The following ANXA8 variants were observed in gnomAD, a reference collection of about 807,000 sequenced individuals.
ANXA8 encodes the protein annexin A8, also known as VAC-beta.
ANXA8 carries 9 observed loss-of-function variants against 26.8 expected under a neutral mutation model. That is an observed-to-expected ratio of 0.34 (90% CI 0.20 to 0.59). The LOEUF (loss-of-function observed/expected upper bound fraction) is 0.59, where lower values mean the gene tolerates loss of function less well. Ranked by LOEUF, ANXA8 falls within the 20% of genes least tolerant of loss-of-function variation. The probability of loss-of-function intolerance (pLI) is 0.84; values close to 1 mark genes in which losing one functional copy is unlikely to be tolerated. For synonymous variants in ANXA8, 39 were observed against 94.8 expected (o/e 0.41, Z 3.42); for missense variants, 83 against 238.5 (o/e 0.35, Z 4.29).
intron 1 of ANXA8, among the ~76,000 whole-genome samples, chr10:47,481,486 C>A (rs1225628948): frequency 2.1e-5 from 3 of 140,734 alleles, no homozygotes; most frequent in African/African-American, 7.8e-5. Flanking sequence ...AAGCTTCACC[C>A]ACAGGAACGC....
At chr10:47,645,310 T>C in the ANXA8 span, among the ~76,000 whole-genome samples, 2 of 146,654 alleles carry the variant, frequency 1.4e-5, no homozygotes, top group African/African-American at 2.7e-5. Flanking sequence ...TGTTTTAACA[T>C]AAAGGTAGTG....
At chr10:47,942,195 A>G in the ANXA8 span, among the ~76,000 whole-genome samples, 1 of 146,228 alleles carries the variant, frequency 6.8e-6, no homozygotes, top group African/African-American at 2.7e-5. Flanking sequence ...AAAATTCCTT[A>G]TGAATAGGTG....
chr10:47,694,088 T>C, the ANXA8 span, among the ~76,000 whole-genome samples: 1 of 151,784 alleles, frequency 6.6e-6, no homozygotes, highest in South Asian at 2.1e-4. Context: ...CTCTGTATTT[T>C]TTCCTAACAT....
At chr10:47,955,833 CTTT>C in the ANXA8 span, among the ~76,000 whole-genome samples, 13 of 143,412 alleles carry the variant, frequency 9.1e-5, no homozygotes, top group African/African-American at 1.6e-4. Flanking sequence ...ACCTTAGCTT[CTTT>C]ATGTTATCAA....
chr10:47,485,104 T>A (rs1840009558), upstream of ANXA8, among the ~76,000 whole-genome samples: 1 of 151,696 alleles, frequency 6.6e-6, no homozygotes, highest in South Asian at 2.1e-4. Context: ...TTTTTGGAGC[T>A]AAAGTATCTA....
At chr10:47,585,510 G>A in the ANXA8 span, among the ~76,000 whole-genome samples, 7 of 140,146 alleles carry the variant, frequency 5.0e-5, no homozygotes, top group Non-Finnish European at 1.1e-4. Context: ...AAGGTTAGAA[G>A]CACTTGGGAC....
At chr10:47,487,135 T>C, upstream of ANXA8, 4 of 1,393,218 alleles carry the variant, frequency 2.9e-6, 1 homozygote, top group Admixed American at 6.7e-5. Flanking sequence ...GTGTACACCA[T>C]AAATATGTAA....
At chr10:47,967,260 G>A in the ANXA8 span, among the ~76,000 whole-genome samples, 10 of 150,726 alleles carry the variant, frequency 6.6e-5, no homozygotes, top group African/African-American at 1.7e-4. Context: ...TCTGGTGGGC[G>A]CCTCCACAAT....
chr10:47,911,654 C>A, the ANXA8 span, among the ~76,000 whole-genome samples: 1 of 38,126 alleles, frequency 2.6e-5, no homozygotes, highest in Non-Finnish European at 5.1e-5. Context: ...AGATGGTGTT[C>A]GCTATGATCA....
the ANXA8 span, among the ~76,000 whole-genome samples, chr10:47,687,975 C>A: frequency 5.9e-5 from 9 of 151,928 alleles, 1 homozygote; most frequent in African/African-American, 2.2e-4. Flanking sequence ...TGGTAGACGG[C>A]TGTAATCTCA....
At chr10:47,744,269 T>C in the ANXA8 span, among the ~76,000 whole-genome samples, 1 of 150,098 alleles carries the variant, frequency 6.7e-6, no homozygotes, top group Non-Finnish European at 1.5e-5. Flanking sequence ...TCTGGTAATA[T>C]GTGATAATGA....
chr10:47,956,628 T>C, the ANXA8 span, among the ~76,000 whole-genome samples: 12 of 151,002 alleles, frequency 7.9e-5, no homozygotes, highest in African/African-American at 2.9e-4. Context: ...CCATCCCCAC[T>C]GGCGTTCCCA....
chr10:47,670,379 G>T, the ANXA8 span, among the ~76,000 whole-genome samples: 2 of 151,910 alleles, frequency 1.3e-5, no homozygotes, highest in African/African-American at 2.4e-5. Flanking sequence ...TATATAGCTC[G>T]GTGTGGAATT....
the ANXA8 span, among the ~76,000 whole-genome samples, chr10:47,497,508 A>ACTCAGGAGGCTGAGGCAGTAGAATT: frequency 6.8e-6 from 1 of 147,460 alleles, no homozygotes; most frequent in Admixed American, 6.9e-5. Context: ...AATCCCAGCT[A>ACTCAGGAGGCTGAGGCAGTAGAATT]CTCAGGAGGC....
chr10:47,749,990 CA>C, the ANXA8 span, among the ~76,000 whole-genome samples: 1 of 151,948 alleles, frequency 6.6e-6, no homozygotes, highest in Non-Finnish European at 1.5e-5. Context: ...TTCACTCTAC[CA>C]GAAAACATCA....
At chr10:47,944,038 G>T in the ANXA8 span, among the ~76,000 whole-genome samples, 1 of 147,506 alleles carries the variant, frequency 6.8e-6, no homozygotes, top group Non-Finnish European at 1.5e-5. Flanking sequence ...AGTTGGCTCG[G>T]GCCGCTATTG....
chr10:47,945,108 G>C, the ANXA8 span, among the ~76,000 whole-genome samples: 4 of 150,546 alleles, frequency 2.7e-5, no homozygotes, highest in South Asian at 8.4e-4. Context: ...CCCAAGACTG[G>C]CTCAGGCCCT....
At chr10:47,618,883 T>C in the ANXA8 span, among the ~76,000 whole-genome samples, 72 of 115,160 alleles carry the variant, frequency 6.3e-4, 9 homozygotes, top group Non-Finnish European at 1.1e-3. Context: ...TATCTTACTC[T>C]CTTATTTTAA....
At chr10:47,985,970 G>A in the ANXA8 span, 9 of 150,826 alleles carry the variant, frequency 6.0e-5, no homozygotes, top group African/African-American at 1.9e-4. Context: ...ATTCAACCTA[G>A]TCTGTTTATT....
Sources: gnomAD v4.1 joint callset for allele counts (sites outside exome capture counted in the v4.1 genomes callset) on GRCh38, gnomAD v4.1.1 for gene constraint, MANE v1.5 for transcripts, NCBI Gene and HGNC (gene_info 2026-07-23, HGNC 2026-07-21) for gene names.